Variants in LUZP2 observed in about 807,000 individuals in gnomAD.
The protein encoded by LUZP2 is leucine zipper protein 2.
Under a neutral mutation model 51.6 loss-of-function variants are expected in LUZP2, and 52 were observed. The observed-to-expected ratio is 1.01, with a 90% CI of 0.81 to 1.27. The LOEUF (loss-of-function observed/expected upper bound fraction) is 1.27, where lower values mean the gene tolerates loss of function less well. Among genes scored for constraint, LUZP2 ranks in the 50% most tolerant of loss-of-function variants. The pLI is 0.00. For missense variants in LUZP2, 436 were observed against 395.4 expected, an observed-to-expected ratio of 1.10 and a Z score of -0.87; for synonymous variants, 154 against 137.3, an observed-to-expected ratio of 1.12 and a Z score of -0.85.
intron 1 of LUZP2, among the ~76,000 whole-genome samples, chr11:24,568,220 T>G (rs889715180): frequency 4.0e-5 from 6 of 151,760 alleles, no homozygotes; most frequent in Admixed American, 2.6e-4. Context: ...ATTAGCTGAG[T>G]GTGACGGTGC....
chr11:24,564,244 T>C (rs1356406119), intron 1 of LUZP2, among the ~76,000 whole-genome samples: 1 of 152,150 alleles, frequency 6.6e-6, no homozygotes, highest in Admixed American at 6.5e-5. Context: ...AATACAAATA[T>C]CCTAGTTCTG....
chr11:24,697,599 T>C (rs1357542210), intron 1 of LUZP2, among the ~76,000 whole-genome samples: 1 of 152,198 alleles, frequency 6.6e-6, no homozygotes, highest in African/African-American at 2.4e-5. Flanking sequence ...TAATAGCTCC[T>C]TTCCAAAACT....
chr11:24,712,189 G>C (rs1161741669), intron 1 of LUZP2, among the ~76,000 whole-genome samples: 3 of 152,140 alleles, frequency 2.0e-5, no homozygotes, highest in Admixed American at 6.5e-5. Flanking sequence ...GGGAGATTGA[G>C]GCAGGGAGAT....
At chr11:24,613,929 G>A (rs1854203786) in intron 1 of LUZP2, among the ~76,000 whole-genome samples, 2 of 151,964 alleles carry the variant, frequency 1.3e-5, no homozygotes, top group Admixed American at 6.6e-5. Context: ...ATTTAGAGGT[G>A]ATCCTAATCT....
intron 1 of LUZP2, among the ~76,000 whole-genome samples, chr11:24,654,128 A>G (rs1201208605): frequency 1.3e-5 from 2 of 152,226 alleles, no homozygotes; most frequent in Non-Finnish European, 2.9e-5. Context: ...GTCAGCGCCA[A>G]GACAGAAGCC....
rs1849846264 is a variant in LUZP2 at position 24,497,082 on chromosome 11, C to G, written c.-162C>G. ...CTGAAGATACTCCTCGCTCCCAGCG[C>G]CTGCCTTCCCCAGGCGTCCGTTCGT... On this transcript the variant is annotated 5_prime_UTR_variant, in exon 1 of 12. Coordinates refer to ENST00000336930, the MANE Select transcript of LUZP2 (RefSeq NM_001009909.4). 2.0e-6 allele frequency: 1 copy of G among 510,614 alleles called. No homozygotes were observed. The highest frequency in any genetic ancestry group is 2.0e-5 in the African/African-American group (1 of 50,184). 31.6% of individuals were successfully genotyped at this position (510,614 alleles called of 1,614,324 possible).
chr11:24,799,966 T>C (rs1341600275), intron 5 of LUZP2, among the ~76,000 whole-genome samples: 5 of 152,180 alleles, frequency 3.3e-5, no homozygotes, highest in Non-Finnish European at 2.9e-5. Flanking sequence ...AGTGCTTAAT[T>C]CTTTTAGCTA....
intron 1 of LUZP2, among the ~76,000 whole-genome samples, chr11:24,608,017 T>C (rs1033255679): frequency 4.0e-5 from 6 of 151,622 alleles, no homozygotes; most frequent in Non-Finnish European, 8.8e-5. Context: ...CCCAGCTAAT[T>C]TTTTTGTATT....
intron 7 of LUZP2, among the ~76,000 whole-genome samples, chr11:24,968,498 G>A (rs1855652868): frequency 6.6e-6 from 1 of 152,094 alleles, no homozygotes; most frequent in African/African-American, 2.4e-5. Context: ...GTTTATGGGT[G>A]TCTCTGGAGC....
At chr11:24,764,713 A>G (rs905229649) in intron 5 of LUZP2, among the ~76,000 whole-genome samples, 2 of 151,646 alleles carry the variant, frequency 1.3e-5, no homozygotes, top group African/African-American at 4.8e-5. Context: ...ACAAAAACCT[A>G]CCAGGCTGGC....
rs569446672 is a variant in LUZP2 at position 24,982,644 on chromosome 11, G to A, written c.598-482G>A. Among the ~76,000 whole-genome samples, 20 of 151,830 alleles carry A rather than the reference G, an allele frequency of 1.3e-4. No individual in the cohort carries two copies. In the South Asian group the frequency reaches 3.5e-3, roughly 27 times the overall value. On this transcript the variant is annotated intron_variant, in intron 8 of 11. Coordinates refer to ENST00000336930, the MANE Select transcript of LUZP2 (RefSeq NM_001009909.4). The stretch of plus-strand genomic sequence containing the variant: ...GAAGGGAGAAGAGTAGAGTGGAGTA[G>A]AAAGGACAACTGCTGGGTACTGGGC...
chr11:24,714,138 T>C (rs1857947368), intron 1 of LUZP2, among the ~76,000 whole-genome samples: 1 of 151,996 alleles, frequency 6.6e-6, no homozygotes, highest in South Asian at 2.1e-4. Flanking sequence ...ATAAGACATA[T>C]GTTGGGGGTA....
chr11:24,857,806 A>G (rs1565001775), intron 5 of LUZP2, among the ~76,000 whole-genome samples: 1 of 152,054 alleles, frequency 6.6e-6, no homozygotes, highest in African/African-American at 2.4e-5. Context: ...AACTATAAGT[A>G]TGACATTTTT....
At chr11:24,906,488 T>C (rs1444045273) in intron 6 of LUZP2, among the ~76,000 whole-genome samples, 2 of 152,154 alleles carry the variant, frequency 1.3e-5, no homozygotes, top group Non-Finnish European at 2.9e-5. Flanking sequence ...AATACACTCA[T>C]TGGTTCTATT....
chr11:24,577,843 G>A (rs1050614456), intron 1 of LUZP2, among the ~76,000 whole-genome samples: 10 of 152,094 alleles, frequency 6.6e-5, no homozygotes, highest in African/African-American at 1.2e-4. Context: ...TACAGTTAGC[G>A]TATCAGAAAT....
At chr11:24,719,388 C>T (rs1202200919) in intron 1 of LUZP2, among the ~76,000 whole-genome samples, 1 of 152,142 alleles carries the variant, frequency 6.6e-6, no homozygotes, top group Non-Finnish European at 1.5e-5. Context: ...AAATATCCAT[C>T]TTTAGTGAAA....
chr11:24,729,851 G>C (rs1396332273), intron 2 of LUZP2, among the ~76,000 whole-genome samples: 1 of 151,778 alleles, frequency 6.6e-6, no homozygotes, highest in African/African-American at 2.4e-5. Flanking sequence ...TAAAAGCTTT[G>C]TATGTGTTAC....
At chr11:25,046,631 A>C (rs1028379727) in intron 9 of LUZP2, among the ~76,000 whole-genome samples, 1 of 152,168 alleles carries the variant, frequency 6.6e-6, no homozygotes, top group Non-Finnish European at 1.5e-5. Flanking sequence ...AGGAGCCCCA[A>C]GCCTATAATA....
At position 24,774,362 on chromosome 11, in the gene LUZP2, C is replaced by CTCTCTCTCTCTCTCTATATATA. The variant is rs776739280; in HGVS notation, c.396+11055_396+11056insCTCTCTCTCTCTCTATATATAT. 8.4e-4 allele frequency among the ~76,000 whole-genome samples: 64 copies of CTCTCTCTCTCTCTCTATATATA among 76,316 alleles called. No homozygotes were observed. The East Asian group carries it at 8.7e-3, about 10-fold the overall frequency. The allele number at this position is 76,316 out of a possible 152,430, so 50.1% of individuals were successfully genotyped here. On this transcript the variant is annotated intron_variant, in intron 5 of 11. Transcript: ENST00000336930. Reference sequence around the variant, plus strand: ...TCTCTCTCTCTCTCTCTCTCTCTCTCTATATATATATATATATATACATAC... The same window carrying CTCTCTCTCTCTCTCTATATATA: ...TCTCTCTCTCTCTCTCTCTCTCTCTCTCTCTCTCTCTCTCTATATATATATATATATATATATATATACATAC...
Sources: allele counts gnomAD v4.1 joint callset (sites outside exome capture counted in the v4.1 genomes callset), GRCh38; gene constraint gnomAD v4.1.1; transcripts MANE v1.5; gene names NCBI Gene and HGNC (gene_info 2026-07-23, HGNC 2026-07-21).